Variants in LRP1B observed in about 807,000 individuals in gnomAD.
LRP1B encodes the protein LDL receptor related protein 1B.
LRP1B carries 217 observed loss-of-function variants against 556.6 expected under a neutral mutation model. The ratio of observed to expected loss-of-function variants is 0.39; its 90% CI spans 0.35 to 0.44. The LOEUF (loss-of-function observed/expected upper bound fraction) is 0.44, where lower values mean the gene tolerates loss of function less well. LRP1B is among the 20% of genes least tolerant of loss of function. The probability of loss-of-function intolerance (pLI) is 1.00; values close to 1 mark genes in which losing one functional copy is unlikely to be tolerated. For missense variants in LRP1B, 5,053 were observed against 5,620.8 expected (o/e 0.90, Z 3.23); for synonymous variants, 2,047 against 1,865.8 (o/e 1.10, Z -2.50).
intron 1 of LRP1B, among the ~76,000 whole-genome samples, chr2:141,972,948 G>T (rs1018776220): frequency 1.3e-5 from 2 of 151,434 alleles, no homozygotes; most frequent in Admixed American, 6.6e-5. Context: ...CTTAATGAAT[G>T]TATCAAATAA....
rs1399930625 is a variant in LRP1B at position 140,646,600 on chromosome 2, G to A, written c.6800-44961C>T. 4.0e-5 allele frequency among the ~76,000 whole-genome samples: 6 copies of A among 151,638 alleles called. No homozygotes were observed. In the East Asian group the frequency reaches 1.2e-3, roughly 29 times the overall value. On this transcript the variant is annotated intron_variant, in intron 41 of 90. Transcript: ENST00000389484. ...CAGGCTCAGTTCTTCTATAAATAAA[G>A]TACACATATAGCATTCATATTTTTT...
chr2:141,025,344 A>G (rs1203243101), intron 11 of LRP1B, among the ~76,000 whole-genome samples: 2 of 152,110 alleles, frequency 1.3e-5, no homozygotes, highest in African/African-American at 2.4e-5. Flanking sequence ...ATTGATTTAC[A>G]CAACCATATC....
chr2:140,735,626 T>C (rs1414039148), intron 35 of LRP1B, among the ~76,000 whole-genome samples: 7 of 152,172 alleles, frequency 4.6e-5, no homozygotes, highest in Non-Finnish European at 1.0e-4. Context: ...GAAATACCCC[T>C]TGGACTCGCA....
chr2:140,720,881 T>C (rs1449905424), intron 35 of LRP1B, among the ~76,000 whole-genome samples: 1 of 152,062 alleles, frequency 6.6e-6, no homozygotes, highest in Non-Finnish European at 1.5e-5. Context: ...TGATGCTCTG[T>C]CCTAAAATAA....
intron 7 of LRP1B, among the ~76,000 whole-genome samples, chr2:141,080,141 G>C (rs371567547): frequency 1.3e-4 from 20 of 152,158 alleles, no homozygotes; most frequent in African/African-American, 4.3e-4. Context: ...AAATAGATTG[G>C]GCACATAGAA....
chr2:140,597,683 T>C lies in LRP1B; in HGVS notation c.7194+948A>G, dbSNP rs554580451. Reference sequence around the variant, plus strand: ...CCATAGAGAATTTGTTCTATATGTATAGAATTTGCTGATTTGTTGCCTGTT... The same window carrying C: ...CCATAGAGAATTTGTTCTATATGTACAGAATTTGCTGATTTGTTGCCTGTT... On this transcript the variant is annotated intron_variant, in intron 43 of 90. Coordinates refer to ENST00000389484, the MANE Select transcript of LRP1B (RefSeq NM_018557.3). 3.3e-5 allele frequency among the ~76,000 whole-genome samples: 5 copies of C among 152,336 alleles called. 1 individual carries two copies. In the South Asian group the frequency reaches 8.3e-4, roughly 25 times the overall value.
Position 141,499,494 on chromosome 2 carries a change from T to C in LRP1B, c.206-18961A>G, listed in dbSNP as rs963859877. Among the ~76,000 whole-genome samples the C allele has an allele frequency of 1.4e-4, 22 of 152,240 alleles. 1 individual carries two copies. In the South Asian group the frequency reaches 3.7e-3, roughly 26 times the overall value. On this transcript the variant is annotated intron_variant, in intron 2 of 90. Transcript: ENST00000389484. Reference sequence around the variant, plus strand: ...CTGCTTGGATATATTTGTTTTGCTTTGAGTTTTAGTTTGTTTGTTTGTTTT... The same window carrying C: ...CTGCTTGGATATATTTGTTTTGCTTCGAGTTTTAGTTTGTTTGTTTGTTTT...
Position 141,153,374 on chromosome 2 carries a change from TAATA to T in LRP1B, c.1013+35043_1013+35046del, listed in dbSNP as rs1305549451. On this transcript the variant is annotated intron_variant, in intron 7 of 90. Coordinates refer to ENST00000389484, the MANE Select transcript of LRP1B (RefSeq NM_018557.3). ...ATTAGCTATATATATTTATATATAA[TAATA>T]TATATAAGCTATATATTTATATATA... Among the ~76,000 whole-genome samples, 116 of 103,688 alleles carry T rather than the reference TAATA, an allele frequency of 1.1e-3. 5 individuals are homozygous for T. The highest frequency in any genetic ancestry group is 6.7e-3 in the South Asian group (23 of 3,446). The allele number at this position is 103,688 out of a possible 152,430, so 68.0% of individuals were successfully genotyped here.
At chr2:141,554,076 G>T (rs1477662942) in intron 2 of LRP1B, among the ~76,000 whole-genome samples, 2 of 135,324 alleles carry the variant, frequency 1.5e-5, no homozygotes, top group Non-Finnish European at 3.1e-5. Flanking sequence ...ATATCTATAT[G>T]AATAGACATA....
chr2:140,317,737 A>G (rs1194398220), intron 82 of LRP1B, among the ~76,000 whole-genome samples: 2 of 152,092 alleles, frequency 1.3e-5, no homozygotes, highest in African/African-American at 2.4e-5. Context: ...CATAGATAGG[A>G]TTATTATGGG....
intron 7 of LRP1B, among the ~76,000 whole-genome samples, chr2:141,081,334 C>T (rs1385474937): frequency 6.6e-6 from 1 of 152,104 alleles, no homozygotes; most frequent in Non-Finnish European, 1.5e-5. Context: ...TTCTGAGCCC[C>T]AGATTTTTTA....
intron 7 of LRP1B, among the ~76,000 whole-genome samples, chr2:141,105,560 A>T (rs917362357): frequency 6.6e-6 from 1 of 152,160 alleles, no homozygotes; most frequent in African/African-American, 2.4e-5. Context: ...CTATGTCAAC[A>T]TGTTCAAAAA....
At chr2:140,775,225 C>CA (rs1480098535) in intron 33 of LRP1B, among the ~76,000 whole-genome samples, 1 of 151,864 alleles carries the variant, frequency 6.6e-6, no homozygotes, top group Non-Finnish European at 1.5e-5. Flanking sequence ...TTGGTATGTT[C>CA]AATAAATGCT....
chr2:141,987,487 C>T (rs1375055099), intron 1 of LRP1B, among the ~76,000 whole-genome samples: 2 of 151,458 alleles, frequency 1.3e-5, no homozygotes, highest in Non-Finnish European at 2.9e-5. Flanking sequence ...GGCTGCGACA[C>T]AGTGCAATTA....
intron 41 of LRP1B, among the ~76,000 whole-genome samples, chr2:140,659,108 T>TTC (rs1553508185): frequency 7.6e-6 from 1 of 131,308 alleles, no homozygotes; most frequent in African/African-American, 3.1e-5. Flanking sequence ...GTTTTTTTTT[T>TTC]TTTTTTTTTT....
chr2:141,122,389 T>A (rs1701078625), intron 7 of LRP1B, among the ~76,000 whole-genome samples: 4 of 120,866 alleles, frequency 3.3e-5, no homozygotes, highest in African/African-American at 9.4e-5. Flanking sequence ...TACAAATAAC[T>A]CAAACAAACT....
chr2:141,384,451 G>A (rs368957078), intron 3 of LRP1B, among the ~76,000 whole-genome samples: 4 of 152,184 alleles, frequency 2.6e-5, no homozygotes, highest in African/African-American at 7.2e-5. Context: ...ATTAATAGGT[G>A]TGAAATGTAT....
intron 2 of LRP1B, among the ~76,000 whole-genome samples, chr2:141,628,221 T>G (rs1208852487): frequency 6.6e-6 from 1 of 152,174 alleles, no homozygotes; most frequent in Non-Finnish European, 1.5e-5. Flanking sequence ...TTGGTAAGAA[T>G]AGATGATGAA....
chr2:140,360,833 T>C (rs916001327), intron 72 of LRP1B, among the ~76,000 whole-genome samples: 1 of 151,630 alleles, frequency 6.6e-6, no homozygotes, highest in Admixed American at 6.6e-5. Flanking sequence ...CAGTTTCTGT[T>C]GCTTGCTGTT....
Sources: allele counts gnomAD v4.1 joint callset (sites outside exome capture counted in the v4.1 genomes callset), GRCh38; gene constraint gnomAD v4.1.1; transcripts MANE v1.5; gene names NCBI Gene and HGNC (gene_info 2026-07-23, HGNC 2026-07-21).